The following CACNA2D1 variants were observed in gnomAD, a reference collection of about 807,000 sequenced individuals.
CACNA2D1 encodes voltage-dependent calcium channel subunit alpha-2/delta-1.
In CACNA2D1, 53 loss-of-function variants were observed where a neutral mutation model predicts 171.5. That is an observed-to-expected ratio of 0.31 (90% CI 0.25 to 0.39). The LOEUF is 0.39. Among genes scored for constraint, CACNA2D1 ranks in the 10% least tolerant of loss-of-function variants. The pLI, the probability that CACNA2D1 is intolerant of heterozygous loss-of-function variation, is 1.00. For synonymous variants in CACNA2D1, 442 were observed against 443.1 expected (o/e 1.00, Z 0.03); for missense variants, 903 against 1,299.8 (o/e 0.69, Z 4.69).
At chr7:82,082,070 G>A (rs190644726) in intron 7 of CACNA2D1, among the ~76,000 whole-genome samples, 13 of 152,264 alleles carry the variant, frequency 8.5e-5, no homozygotes, top group Non-Finnish European at 1.3e-4. Flanking sequence ...AGTTCTTTAA[G>A]TCCCGCCATC....
chr7:82,055,948 A>ATATATATATATAT (rs1554377773), intron 10 of CACNA2D1, among the ~76,000 whole-genome samples: 15 of 131,038 alleles, frequency 1.1e-4, no homozygotes, highest in Non-Finnish European at 1.4e-4. Flanking sequence ...ATATATATAT[A>ATATATATATATAT]ATTTTTTAAA....
chr7:82,270,692 C>A (rs960129674), intron 3 of CACNA2D1, among the ~76,000 whole-genome samples: 8 of 152,076 alleles, frequency 5.3e-5, no homozygotes, highest in African/African-American at 1.9e-4. Flanking sequence ...TCCAGTTTCT[C>A]CATATGCTAG....
intron 6 of CACNA2D1, among the ~76,000 whole-genome samples, chr7:82,114,826 C>T (rs548782107): frequency 6.6e-6 from 1 of 151,542 alleles, no homozygotes; most frequent in East Asian, 1.9e-4. Context: ...GTGTTCTGGC[C>T]ACACCACATT....
chr7:82,039,757 A>G (rs1171771159), intron 10 of CACNA2D1, among the ~76,000 whole-genome samples: 1 of 152,208 alleles, frequency 6.6e-6, no homozygotes, highest in Non-Finnish European at 1.5e-5. Context: ...AAGGAAGAAC[A>G]TTCCAAGCAA....
intron 1 of CACNA2D1, among the ~76,000 whole-genome samples, chr7:82,384,346 AAGAG>A (rs1020672364): frequency 1.3e-5 from 2 of 152,258 alleles, no homozygotes; most frequent in Admixed American, 6.5e-5. Context: ...GCTTTATAAG[AAGAG>A]AGAGAGAAAG....
At chr7:82,124,879 A>G (rs551152795) in intron 5 of CACNA2D1, among the ~76,000 whole-genome samples, 146 of 152,270 alleles carry the variant, frequency 9.6e-4, no homozygotes, top group African/African-American at 3.4e-3. Flanking sequence ...GTTACATACT[A>G]TAAGACAGCT....
intron 3 of CACNA2D1, among the ~76,000 whole-genome samples, chr7:82,322,340 C>T (rs1418029007): frequency 2.7e-5 from 4 of 149,910 alleles, no homozygotes; most frequent in African/African-American, 9.8e-5. Flanking sequence ...TTGGGCCGGG[C>T]ATGGTGGCTC....
At chr7:81,997,154 G>C in intron 19 of CACNA2D1, 25 bp downstream of exon 19, 3 of 1,372,562 alleles carry the variant, frequency 2.2e-6, no homozygotes, top group Non-Finnish European at 3.1e-6. Context: ...CTGAGGAATT[G>C]TTTAGTCTTA....
At chr7:82,384,353 A>G (rs1824080131) in intron 1 of CACNA2D1, among the ~76,000 whole-genome samples, 1 of 152,178 alleles carries the variant, frequency 6.6e-6, no homozygotes, top group Non-Finnish European at 1.5e-5. Context: ...AAGAAGAGAG[A>G]GAGAAAGACT....
At chr7:82,082,435 T>C (rs781474713) in intron 7 of CACNA2D1, among the ~76,000 whole-genome samples, 3 of 152,072 alleles carry the variant, frequency 2.0e-5, no homozygotes, top group Non-Finnish European at 4.4e-5. Flanking sequence ...TCTGGGGCTT[T>C]TATGGACTCA....
At chr7:82,126,818 G>C (rs1391223351) in intron 5 of CACNA2D1, among the ~76,000 whole-genome samples, 1 of 152,082 alleles carries the variant, frequency 6.6e-6, no homozygotes, top group Non-Finnish European at 1.5e-5. Flanking sequence ...TTAGTCAGTT[G>C]AGTAGACAGA....
chr7:82,227,439 C>T (rs964148456), intron 3 of CACNA2D1, among the ~76,000 whole-genome samples: 1 of 152,210 alleles, frequency 6.6e-6, no homozygotes, highest in African/African-American at 2.4e-5. Flanking sequence ...GAAGATAAAA[C>T]AGAGTCATGT....
intron 3 of CACNA2D1, among the ~76,000 whole-genome samples, chr7:82,222,078 A>C (rs1801834423): frequency 6.6e-6 from 1 of 152,228 alleles, no homozygotes; most frequent in African/African-American, 2.4e-5. Flanking sequence ...TATTGTTAAA[A>C]GAAAAAAATA....
At chr7:82,398,555 C>T (rs1218967781) in intron 1 of CACNA2D1, among the ~76,000 whole-genome samples, 1 of 151,198 alleles carries the variant, frequency 6.6e-6, no homozygotes, top group Non-Finnish European at 1.5e-5. Context: ...TCTCACTACA[C>T]TACCACTTCA....
chr7:81,951,601 T>C (rs1327416781), intron 38 of CACNA2D1, among the ~76,000 whole-genome samples: 1 of 152,142 alleles, frequency 6.6e-6, no homozygotes, highest in Non-Finnish European at 1.5e-5. Flanking sequence ...TATTTGGTTT[T>C]CCATTCATGA....
chr7:82,171,818 G>A (rs530461392), intron 3 of CACNA2D1, among the ~76,000 whole-genome samples: 98 of 152,142 alleles, frequency 6.4e-4, no homozygotes, highest in African/African-American at 2.3e-3. Flanking sequence ...GAAATTATCA[G>A]GTTAGGTTTA....
chr7:82,394,389 C>A (rs1278749541), intron 1 of CACNA2D1, among the ~76,000 whole-genome samples: 14 of 151,810 alleles, frequency 9.2e-5, no homozygotes, highest in Non-Finnish European at 4.4e-5. Flanking sequence ...AGAAAAGAAA[C>A]AAGGGAGAAA....
intron 3 of CACNA2D1, among the ~76,000 whole-genome samples, chr7:82,244,676 A>G (rs1186133828): frequency 1.3e-5 from 2 of 152,198 alleles, no homozygotes; most frequent in East Asian, 3.9e-4. Context: ...AATGGTTATG[A>G]TTACAAAAAT....
intron 3 of CACNA2D1, among the ~76,000 whole-genome samples, chr7:82,221,129 C>T (rs555630780): frequency 1.0e-3 from 156 of 152,110 alleles, no homozygotes; most frequent in African/African-American, 3.6e-3. Flanking sequence ...ATCTTAAATC[C>T]GATCAATAAA....
Sources: allele counts gnomAD v4.1 joint callset (sites outside exome capture counted in the v4.1 genomes callset), GRCh38; gene constraint gnomAD v4.1.1; transcripts MANE v1.5; gene names NCBI Gene and HGNC (gene_info 2026-07-23, HGNC 2026-07-21).